Variants in CTNNA3 observed in about 807,000 individuals in gnomAD.
The protein encoded by CTNNA3 is catenin alpha-3.
Under a neutral mutation model 95.7 loss-of-function variants are expected in CTNNA3, and 76 were observed. The observed-to-expected ratio is 0.79, with a 90% CI of 0.66 to 0.96. The LOEUF (loss-of-function observed/expected upper bound fraction) is 0.96, where lower values mean the gene tolerates loss of function less well. Among genes scored for constraint, CTNNA3 ranks in the 40% least tolerant of loss-of-function variants. The pLI, the probability that CTNNA3 is intolerant of heterozygous loss-of-function variation, is 0.00. For missense variants in CTNNA3, 1,191 were observed against 1,089.8 expected, an observed-to-expected ratio of 1.09 and a Z score of -1.31; for synonymous variants, 431 against 374.4, an observed-to-expected ratio of 1.15 and a Z score of -1.74.
At chr10:67,166,765 TTATC>T (rs1471787774) in intron 7 of CTNNA3, among the ~76,000 whole-genome samples, 3 of 152,194 alleles carry the variant, frequency 2.0e-5, no homozygotes, top group Admixed American at 6.5e-5. Flanking sequence ...AGTATTATGA[TTATC>T]TATTATTGTG....
chr10:66,599,864 C>T (rs887707636), intron 10 of CTNNA3, among the ~76,000 whole-genome samples: 2 of 151,898 alleles, frequency 1.3e-5, no homozygotes, highest in Non-Finnish European at 2.9e-5. Flanking sequence ...TTCAATAGCA[C>T]CTATATGTGA....
intron 12 of CTNNA3, among the ~76,000 whole-genome samples, chr10:66,333,795 T>C (rs543305693): frequency 1.2e-4 from 18 of 151,656 alleles, no homozygotes; most frequent in African/African-American, 4.3e-4. Flanking sequence ...GTTAACTTTC[T>C]GTCTCGTTGA....
intron 7 of CTNNA3, among the ~76,000 whole-genome samples, chr10:66,889,695 T>G (rs1349918624): frequency 6.6e-6 from 1 of 151,672 alleles, no homozygotes; most frequent in Non-Finnish European, 1.5e-5. Flanking sequence ...ATGAAATAAG[T>G]GAACGAGAGG....
At chr10:66,121,202 G>C (rs2133816619) in intron 13 of CTNNA3, among the ~76,000 whole-genome samples, 1 of 152,262 alleles carries the variant, frequency 6.6e-6, no homozygotes, top group African/African-American at 2.4e-5. Context: ...TAGAAATTAA[G>C]AGTTAAAATT....
At chr10:66,577,673 C>T (rs1398186626) in intron 10 of CTNNA3, among the ~76,000 whole-genome samples, 1 of 151,912 alleles carries the variant, frequency 6.6e-6, no homozygotes, top group East Asian at 1.9e-4. Flanking sequence ...CTAACCTGTT[C>T]TATCAGTCTG....
chr10:67,087,681 C>T (rs935217323), intron 7 of CTNNA3, among the ~76,000 whole-genome samples: 3 of 151,730 alleles, frequency 2.0e-5, no homozygotes, highest in East Asian at 1.9e-4. Context: ...TCATTTTAGC[C>T]CTCTACCTCT....
intron 1 of CTNNA3, among the ~76,000 whole-genome samples, chr10:67,739,786 T>A (rs1159678951): frequency 6.6e-6 from 1 of 152,156 alleles, no homozygotes; most frequent in East Asian, 1.9e-4. Flanking sequence ...ATGACTTTCC[T>A]CAAAGAATTG....
At chr10:67,164,101 A>G (rs1861662775) in intron 7 of CTNNA3, among the ~76,000 whole-genome samples, 1 of 151,916 alleles carries the variant, frequency 6.6e-6, no homozygotes, top group South Asian at 2.1e-4. Context: ...AAAAAATTTT[A>G]GACATTAAAA....
At chr10:66,216,560 A>C (rs980561185) in intron 13 of CTNNA3, among the ~76,000 whole-genome samples, 1 of 152,224 alleles carries the variant, frequency 6.6e-6, no homozygotes, top group Non-Finnish European at 1.5e-5. Flanking sequence ...ACTACCAAGC[A>C]TCATAACAAA....
intron 6 of CTNNA3, among the ~76,000 whole-genome samples, chr10:67,193,625 A>G (rs555222265): frequency 6.6e-6 from 1 of 152,154 alleles, no homozygotes; most frequent in African/African-American, 2.4e-5. Context: ...GTTTGCTTAG[A>G]ATAATGGCCT....
At chr10:66,895,914 CAAAAAA>C (rs869248195) in intron 7 of CTNNA3, among the ~76,000 whole-genome samples, 1 of 80,194 alleles carries the variant, frequency 1.2e-5, no homozygotes, top group African/African-American at 5.3e-5. Context: ...CCTGTCTCTA[CAAAAAA>C]AAAAAAAAAA....
intron 7 of CTNNA3, among the ~76,000 whole-genome samples, chr10:67,003,338 T>C (rs983311345): frequency 6.6e-6 from 1 of 152,150 alleles, no homozygotes; most frequent in Non-Finnish European, 1.5e-5. Flanking sequence ...CTTGAACTAT[T>C]CCTGGCATAA....
chr10:67,538,103 G>T (rs112927761), intron 4 of CTNNA3, among the ~76,000 whole-genome samples: 1 of 131,876 alleles, frequency 7.6e-6, no homozygotes, highest in Non-Finnish European at 1.5e-5. Context: ...AAATCTTCTA[G>T]TCAACAGCTG....
chr10:66,279,488 T>G (rs1175533365), intron 13 of CTNNA3, among the ~76,000 whole-genome samples: 1 of 152,068 alleles, frequency 6.6e-6, no homozygotes, highest in Non-Finnish European at 1.5e-5. Context: ...AACATGAGGT[T>G]CAGGTGACAC....
chr10:67,171,685 A>G (rs1862029213), intron 7 of CTNNA3, among the ~76,000 whole-genome samples: 1 of 152,094 alleles, frequency 6.6e-6, no homozygotes, highest in African/African-American at 2.4e-5. Flanking sequence ...CTGGAAGGTC[A>G]AAGCTGCAGT....
At chr10:67,457,883 C>G (rs1247107555) in intron 5 of CTNNA3, among the ~76,000 whole-genome samples, 2 of 152,090 alleles carry the variant, frequency 1.3e-5, no homozygotes, top group Non-Finnish European at 2.9e-5. Flanking sequence ...CCCAGGTAAT[C>G]CAGGATCATC....
At chr10:66,822,118 C>A (rs7093284) in intron 7 of CTNNA3, among the ~76,000 whole-genome samples, 11,337 of 148,686 alleles carry the variant, frequency 0.076, 569 homozygotes, top group African/African-American at 0.14. Context: ...ATAAATATTA[C>A]GTTTATATTT....
intron 17 of CTNNA3, among the ~76,000 whole-genome samples, chr10:65,924,236 C>T (rs1188657358): frequency 6.6e-6 from 1 of 152,114 alleles, no homozygotes; most frequent in Non-Finnish European, 1.5e-5. Flanking sequence ...GCATGGTTCT[C>T]TCAACACCAG....
chr10:67,276,986 G>C (rs1445060758), intron 5 of CTNNA3, among the ~76,000 whole-genome samples: 1 of 152,016 alleles, frequency 6.6e-6, no homozygotes, highest in African/African-American at 2.4e-5. Flanking sequence ...GGCCCAAAGT[G>C]GTTGATCATT....
Sources: allele counts gnomAD v4.1 joint callset (sites outside exome capture counted in the v4.1 genomes callset), GRCh38; gene constraint gnomAD v4.1.1; transcripts MANE v1.5; gene names NCBI Gene and HGNC (gene_info 2026-07-23, HGNC 2026-07-21).